LIMS1: variants seen among roughly 807,000 people sequenced by gnomAD.
LIMS1 encodes LIM and senescent cell antigen-like-containing domain protein 1.
In LIMS1, 18 loss-of-function variants were observed where a neutral mutation model predicts 44.1. The ratio of observed to expected loss-of-function variants is 0.41; its 90% CI spans 0.28 to 0.61. The LOEUF is 0.61. Ranked by LOEUF, LIMS1 falls within the 20% of genes least tolerant of loss-of-function variation. LIMS1 has a pLI of 0.32. For synonymous variants in LIMS1, 93 were observed against 149.1 expected, an observed-to-expected ratio of 0.62 and a Z score of 2.74; for missense variants, 201 against 422.0, an observed-to-expected ratio of 0.48 and a Z score of 4.59.
intron 1 of LIMS1, among the ~76,000 whole-genome samples, chr2:108,643,571 A>C (rs897061944): frequency 3.3e-5 from 5 of 150,568 alleles, no homozygotes; most frequent in Admixed American, 2.0e-4. Context: ...CCTTTAGGGC[A>C]GACACCGAGC....
At chr2:108,661,214 A>G (rs1691342910) in intron 2 of LIMS1, among the ~76,000 whole-genome samples, 2 of 146,998 alleles carry the variant, frequency 1.4e-5, no homozygotes, top group Non-Finnish European at 3.0e-5. Flanking sequence ...GGGTTAAGGA[A>G]TGCTATTTTA....
intron 1 of LIMS1, among the ~76,000 whole-genome samples, chr2:108,646,563 T>A (rs1690078464): frequency 6.6e-6 from 1 of 151,850 alleles, no homozygotes. Flanking sequence ...ACATCACAAT[T>A]AAAAGAACTG....
intron 8 of LIMS1, among the ~76,000 whole-genome samples, chr2:108,679,476 C>T (rs952175224): frequency 6.6e-6 from 1 of 151,578 alleles, no homozygotes; most frequent in African/African-American, 2.4e-5. Context: ...GCAAAAACTT[C>T]GTCTCAAAAA....
intron 1 of LIMS1, among the ~76,000 whole-genome samples, chr2:108,612,042 A>G (rs1448677775): frequency 9.6e-5 from 12 of 125,340 alleles, no homozygotes; most frequent in Admixed American, 7.7e-4. Context: ...ACACACACAC[A>G]CACACACACA....
exon 10 of LIMS1, chr2:108,686,309 ACT>A (rs1479947406): frequency 1.3e-5 from 2 of 151,746 alleles, no homozygotes; most frequent in African/African-American, 4.8e-5. Context: ...ACAGAGCAAG[ACT>A]CTGTCTCAAA....
At chr2:108,656,297 A>C (rs1364328564) in intron 1 of LIMS1, among the ~76,000 whole-genome samples, 2 of 126,828 alleles carry the variant, frequency 1.6e-5, no homozygotes, top group Non-Finnish European at 3.4e-5. Flanking sequence ...ACTTTTACAT[A>C]TAAATATCTA....
At chr2:108,627,229 C>T (rs1220530976) in intron 1 of LIMS1, among the ~76,000 whole-genome samples, 1 of 152,122 alleles carries the variant, frequency 6.6e-6, no homozygotes, top group African/African-American at 2.4e-5. Context: ...TCACACATGA[C>T]TAAATCACCT....
At chr2:108,550,795 G>A (rs1684659625) in intron 1 of LIMS1, among the ~76,000 whole-genome samples, 3 of 150,440 alleles carry the variant, frequency 2.0e-5, no homozygotes, top group Non-Finnish European at 3.0e-5. Flanking sequence ...CAGCCTGGGC[G>A]GCAGAGAGAG....
chr2:108,573,486 T>C (rs1685559546), intron 1 of LIMS1, among the ~76,000 whole-genome samples: 1 of 152,220 alleles, frequency 6.6e-6, no homozygotes, highest in Non-Finnish European at 1.5e-5. Flanking sequence ...TTATTTTTTA[T>C]TTCTAGGTGA....
intron 1 of LIMS1, among the ~76,000 whole-genome samples, chr2:108,647,843 C>A (rs1690180603): frequency 6.6e-6 from 1 of 152,074 alleles, no homozygotes; most frequent in Non-Finnish European, 1.5e-5. Flanking sequence ...TATGGCAAAC[C>A]CACAGCCAAT....
At chr2:108,541,728 G>C (rs1411449769) in intron 1 of LIMS1, among the ~76,000 whole-genome samples, 1 of 152,154 alleles carries the variant, frequency 6.6e-6, no homozygotes, top group African/African-American at 2.4e-5. Context: ...TGCTGTTCAT[G>C]CCCTTCTCTG....
intron 3 of LIMS1, among the ~76,000 whole-genome samples, chr2:108,671,367 AG>A (rs1401388386): frequency 1.3e-5 from 2 of 152,054 alleles, no homozygotes; most frequent in African/African-American, 4.8e-5. Flanking sequence ...TTTAAGGTAG[AG>A]GTATTTTGGG....
At chr2:108,558,411 G>T (rs956914997) in intron 1 of LIMS1, among the ~76,000 whole-genome samples, 3 of 151,836 alleles carry the variant, frequency 2.0e-5, no homozygotes, top group Non-Finnish European at 4.4e-5. Flanking sequence ...GGGTTTCACT[G>T]TGTTAGCCAG....
intron 1 of LIMS1, among the ~76,000 whole-genome samples, chr2:108,597,601 C>T (rs1329749206): frequency 3.3e-5 from 5 of 151,972 alleles, no homozygotes; most frequent in Admixed American, 2.0e-4. Context: ...GAGGCACACA[C>T]ACAGACTGTC....
In LIMS1 at chr2:108,581,381, ATTTC is replaced by A. The variant is rs561685126; in HGVS notation, c.32+46791_32+46794del. Among the ~76,000 whole-genome samples, 673 of 152,264 alleles carry A rather than the reference ATTTC, an allele frequency of 4.4e-3. 5 individuals carry two copies. The highest frequency in any genetic ancestry group is 0.014 in the South Asian group (68 of 4,830). Reference sequence around the variant, plus strand: ...TCTGTAATTTCAAATCAATCAAATAATTTCTTTATTTTGCTTCTACGTTTCCCAG... The same window carrying A: ...TCTGTAATTTCAAATCAATCAAATAATTTATTTTGCTTCTACGTTTCCCAG... On this transcript the variant is annotated intron_variant, in intron 1 of 9. Coordinates refer to ENST00000544547, the Ensembl canonical transcript of LIMS1.
At chr2:108,614,548 A>T (rs1314203480) in intron 1 of LIMS1, among the ~76,000 whole-genome samples, 1 of 152,216 alleles carries the variant, frequency 6.6e-6, no homozygotes, top group Non-Finnish European at 1.5e-5. Context: ...TGGCATAGTA[A>T]CACTACATAG....
At chr2:108,566,544 C>A (rs1046525187) in intron 1 of LIMS1, among the ~76,000 whole-genome samples, 15 of 152,174 alleles carry the variant, frequency 9.9e-5, no homozygotes, top group African/African-American at 3.6e-4. Flanking sequence ...CCTACTCTTT[C>A]CAGTGTATCA....
chr2:108,604,842 A>G (rs1426618040), intron 1 of LIMS1, among the ~76,000 whole-genome samples: 1 of 152,158 alleles, frequency 6.6e-6, no homozygotes, highest in African/African-American at 2.4e-5. Flanking sequence ...CTGAAATTTG[A>G]TCTCCGCCAG....
At chr2:108,605,889 T>C (rs1368430386) in intron 1 of LIMS1, among the ~76,000 whole-genome samples, 5 of 152,170 alleles carry the variant, frequency 3.3e-5, no homozygotes, top group Non-Finnish European at 7.4e-5. Context: ...TGGATGTGTA[T>C]GTAAAGAAAG....
Sources: gnomAD v4.1 joint callset for allele counts (sites outside exome capture counted in the v4.1 genomes callset) on GRCh38, gnomAD v4.1.1 for gene constraint, MANE v1.5 for transcripts, NCBI Gene and HGNC (gene_info 2026-07-23, HGNC 2026-07-21) for gene names.